Variants in NWD2 observed in about 807,000 individuals in gnomAD.
NWD2 encodes NACHT and WD repeat domain-containing protein 2.
NWD2 carries 37 observed loss-of-function variants against 132.7 expected under a neutral mutation model. The ratio of observed to expected loss-of-function variants is 0.28; its 90% CI spans 0.21 to 0.37. NWD2 has a LOEUF of 0.37. Ranked by LOEUF, NWD2 falls within the 10% of genes least tolerant of loss-of-function variation. The pLI is 1.00. For synonymous variants in NWD2, 705 were observed against 803.0 expected (o/e 0.88, Z 2.06); for missense variants, 1,592 against 2,122.4 (o/e 0.75, Z 4.91).
At chr4:37,377,280 T>C (rs1341180855) in intron 3 of NWD2, among the ~76,000 whole-genome samples, 1 of 152,232 alleles carries the variant, frequency 6.6e-6, no homozygotes, top group East Asian at 1.9e-4. Flanking sequence ...CTTCCTTCTC[T>C]TTCCAATGAA....
chr4:37,314,083 A>G (rs1174986223), intron 1 of NWD2, among the ~76,000 whole-genome samples: 2 of 152,188 alleles, frequency 1.3e-5, no homozygotes, highest in Non-Finnish European at 2.9e-5. Flanking sequence ...TATGTTCTTT[A>G]TTAATATGGT....
intron 1 of NWD2, among the ~76,000 whole-genome samples, chr4:37,271,896 C>T (rs1717879127): frequency 6.6e-6 from 1 of 151,808 alleles, no homozygotes; most frequent in South Asian, 2.1e-4. Context: ...GCAAATTACC[C>T]AGTTCAGTAT....
chr4:37,292,133 A>C (rs946763373), intron 1 of NWD2, among the ~76,000 whole-genome samples: 1 of 152,102 alleles, frequency 6.6e-6, no homozygotes, highest in Non-Finnish European at 1.5e-5. Flanking sequence ...CCCACTTGTG[A>C]GGTGCATTCC....
At chr4:37,283,315 C>CT (rs1280875436) in intron 1 of NWD2, among the ~76,000 whole-genome samples, 2 of 152,144 alleles carry the variant, frequency 1.3e-5, no homozygotes, top group African/African-American at 4.8e-5. Flanking sequence ...GACCATCCAG[C>CT]TTTTTTGACA....
intron 3 of NWD2, among the ~76,000 whole-genome samples, chr4:37,360,437 T>G (rs1719958510): frequency 6.6e-6 from 1 of 152,226 alleles, no homozygotes; most frequent in Non-Finnish European, 1.5e-5. Context: ...TGTATATTAA[T>G]AAAATGTAAT....
At chr4:37,344,148 A>G (rs1320298064) in intron 2 of NWD2, among the ~76,000 whole-genome samples, 4 of 152,222 alleles carry the variant, frequency 2.6e-5, no homozygotes, top group African/African-American at 7.2e-5. Flanking sequence ...ACATTAGGCT[A>G]AAAGCTAAAC....
chr4:37,391,931 C>A (rs1053547412), intron 3 of NWD2, among the ~76,000 whole-genome samples: 1 of 152,176 alleles, frequency 6.6e-6, no homozygotes, highest in Non-Finnish European at 1.5e-5. Context: ...GGGCTGGGCA[C>A]GGTGGCTCAT....
At chr4:37,409,080 A>G (rs1186742902) in intron 3 of NWD2, among the ~76,000 whole-genome samples, 1 of 152,156 alleles carries the variant, frequency 6.6e-6, no homozygotes, top group Non-Finnish European at 1.5e-5. Context: ...TGAAAATTCC[A>G]AAAACCAGAA....
intron 4 of NWD2, among the ~76,000 whole-genome samples, chr4:37,431,986 T>G (rs1712193126): frequency 4.0e-5 from 1 of 25,254 alleles, no homozygotes; most frequent in Non-Finnish European, 9.1e-5. Context: ...TAAAGTTCCA[T>G]TAATGAAGCT....
At chr4:37,281,342 C>T (rs1560384274) in intron 1 of NWD2, among the ~76,000 whole-genome samples, 1 of 150,822 alleles carries the variant, frequency 6.6e-6, no homozygotes, top group Non-Finnish European at 1.5e-5. Context: ...TTAGTAGAAT[C>T]TACATTTTTT....
chr4:37,358,469 C>T (rs1228308902), intron 3 of NWD2, among the ~76,000 whole-genome samples: 1 of 152,056 alleles, frequency 6.6e-6, no homozygotes, highest in Non-Finnish European at 1.5e-5. Flanking sequence ...AGATTCTTTT[C>T]CTTGGGTCAT....
intron 1 of NWD2, among the ~76,000 whole-genome samples, chr4:37,315,743 C>T (rs533735923): frequency 1.6e-4 from 25 of 152,082 alleles, no homozygotes; most frequent in South Asian, 2.1e-4. Flanking sequence ...ACATATCTCA[C>T]GTTGGTTTTC....
At chr4:37,358,847 A>G (rs1225563783) in intron 3 of NWD2, among the ~76,000 whole-genome samples, 1 of 152,168 alleles carries the variant, frequency 6.6e-6, no homozygotes, top group African/African-American at 2.4e-5. Context: ...TGCATCCCCA[A>G]AAAAGTTTTT....
chr4:37,321,858 G>A (rs1286338858), intron 1 of NWD2, among the ~76,000 whole-genome samples: 1 of 152,132 alleles, frequency 6.6e-6, no homozygotes, highest in Non-Finnish European at 1.5e-5. Flanking sequence ...CATTGGATAT[G>A]TGTATATGCT....
intron 2 of NWD2, among the ~76,000 whole-genome samples, chr4:37,338,893 A>C (rs1719465148): frequency 6.6e-6 from 1 of 152,190 alleles, no homozygotes; most frequent in South Asian, 2.1e-4. Context: ...AAGTTACCAA[A>C]ATACGTAACT....
Position 37,379,477 on chromosome 4 carries a change from T to G in NWD2, c.357+22995T>G, listed in dbSNP as rs182546367. 2.8e-3 allele frequency among the ~76,000 whole-genome samples: 421 copies of G among 152,294 alleles called. 3 individuals are homozygous for G. The highest frequency in any genetic ancestry group is 9.8e-3 in the African/African-American group (406 of 41,562). On this transcript the variant is annotated intron_variant, in intron 3 of 6. Coordinates refer to ENST00000309447, the MANE Select transcript of NWD2 (RefSeq NM_001144990.2). ...CCTAGTTTCAGGGTACATTCCCTTT[T>G]GTGTCATGCTTTTGTATTTCAAAAA...
chr4:37,355,755 T>G (rs917755672), intron 2 of NWD2, among the ~76,000 whole-genome samples: 16 of 152,184 alleles, frequency 1.1e-4, no homozygotes, highest in African/African-American at 3.9e-4. Flanking sequence ...GATCCTATTA[T>G]CCTCACTTTT....
intron 1 of NWD2, among the ~76,000 whole-genome samples, chr4:37,309,925 A>G (rs1429987421): frequency 1.3e-5 from 2 of 152,202 alleles, no homozygotes; most frequent in African/African-American, 4.8e-5. Flanking sequence ...GTGTGAAGGA[A>G]GCAGGCTCTT....
chr4:37,379,486 C>A (rs1383258599), intron 3 of NWD2, among the ~76,000 whole-genome samples: 3 of 152,034 alleles, frequency 2.0e-5, no homozygotes, highest in Non-Finnish European at 4.4e-5. Flanking sequence ...TTGTGTCATG[C>A]TTTTGTATTT....
Sources: gnomAD v4.1 joint callset for allele counts (sites outside exome capture counted in the v4.1 genomes callset) on GRCh38, gnomAD v4.1.1 for gene constraint, MANE v1.5 for transcripts, NCBI Gene and HGNC (gene_info 2026-07-23, HGNC 2026-07-21) for gene names.